The following COG3 variants were observed in gnomAD, a reference collection of about 807,000 sequenced individuals.
The protein encoded by COG3 is conserved oligomeric Golgi complex subunit 3.
Under a neutral mutation model 114.1 loss-of-function variants are expected in COG3, and 32 were observed. The observed-to-expected ratio is 0.28, with a 90% CI of 0.21 to 0.38. The LOEUF (loss-of-function observed/expected upper bound fraction) is 0.38, where lower values mean the gene tolerates loss of function less well. Ranked by LOEUF, COG3 falls within the 10% of genes least tolerant of loss-of-function variation. COG3 has a pLI of 1.00. For missense variants in COG3, 813 were observed against 973.2 expected, an observed-to-expected ratio of 0.84 and a Z score of 2.19; for synonymous variants, 352 against 365.7, an observed-to-expected ratio of 0.96 and a Z score of 0.43.
intron 4 of COG3, among the ~76,000 whole-genome samples, chr13:45,480,957 C>G (rs927748412): frequency 1.3e-5 from 2 of 152,220 alleles, no homozygotes; most frequent in Non-Finnish European, 2.9e-5. Flanking sequence ...AGAGCTAGAA[C>G]ACTTAAGTTA....
rs1885035422 is a variant in COG3, at chr13:45,464,974, C to T, written c.-63C>T. ...AAGCTCCGGTTCTCCCGGAAGTGGCCCAGGTCTCTCTGTCGGGGTCCCCTC... is the reference window on the plus strand; with the variant it reads ...AAGCTCCGGTTCTCCCGGAAGTGGCTCAGGTCTCTCTGTCGGGGTCCCCTC... On this transcript the variant is annotated 5_prime_UTR_variant, in exon 1 of 23. Coordinates refer to ENST00000349995, the MANE Select transcript of COG3 (RefSeq NM_031431.4). 1.3e-6 allele frequency: 2 copies of T among 1,515,816 alleles called. No individual in the cohort carries two copies. Among genetic ancestry groups the T allele is most frequent in the South Asian group, 1.2e-5 (1 of 80,040 alleles). 93.9% of individuals were successfully genotyped at this position (1,515,816 alleles called of 1,614,324 possible). A position where few individuals can be genotyped will look rare whatever the true frequency, so the allele number is the denominator to read the frequency against.
At chr13:45,496,862 A>G (rs1204442468) in intron 13 of COG3, among the ~76,000 whole-genome samples, 1 of 151,904 alleles carries the variant, frequency 6.6e-6, no homozygotes, top group Non-Finnish European at 1.5e-5. Flanking sequence ...TTTAGTAGAG[A>G]TGGGGTTTCA....
At chr13:45,467,209 G>A (rs1885192929) in intron 1 of COG3, among the ~76,000 whole-genome samples, 1 of 152,204 alleles carries the variant, frequency 6.6e-6, no homozygotes, top group African/African-American at 2.4e-5. Flanking sequence ...AACAGCATAA[G>A]GTCATGGGTA....
chr13:45,474,002 T>G (rs1253883155), intron 1 of COG3, among the ~76,000 whole-genome samples: 1 of 152,184 alleles, frequency 6.6e-6, no homozygotes, highest in Non-Finnish European at 1.5e-5. Context: ...TAATAAGAAC[T>G]GTTTACCTAC....
chr13:45,506,701 G>C (rs1174619851), intron 14 of COG3, among the ~76,000 whole-genome samples: 1 of 152,178 alleles, frequency 6.6e-6, no homozygotes, highest in East Asian at 1.9e-4. Context: ...GCAAGGCTCT[G>C]AGTCAGGTAG....
chr13:45,516,310 C>T (rs1311324178), intron 17 of COG3, 47 bp downstream of exon 17: 5 of 1,425,136 alleles, frequency 3.5e-6, no homozygotes, highest in Non-Finnish European at 4.7e-6. Flanking sequence ...TTGATCTGTC[C>T]AGATGTGTCA....
At chr13:45,518,645 A>C (rs1871793391) in intron 17 of COG3, 117 bp from the exon 18 acceptor site, 1 of 678,368 alleles carries the variant, frequency 1.5e-6, no homozygotes, top group Non-Finnish European at 2.6e-6. Context: ...CATGGAGGTG[A>C]GTTGCTGAAG....
At chr13:45,534,554 C>T in intron 22 of COG3, 148 bp from the exon 23 acceptor site, 1 of 427,484 alleles carries the variant, frequency 2.3e-6, no homozygotes. Context: ...ATTTTAGATT[C>T]AAGGGGTACA....
intron 16 of COG3, among the ~76,000 whole-genome samples, chr13:45,513,037 C>T (rs1263438441): frequency 1.3e-5 from 2 of 150,902 alleles, no homozygotes; most frequent in Non-Finnish European, 2.9e-5. Context: ...TGTTGCTTTG[C>T]TTAACTCTCC....
chr13:45,497,803 CAACAACAACAACAACA>C (rs1358971238), intron 13 of COG3, among the ~76,000 whole-genome samples: 1 of 150,256 alleles, frequency 6.7e-6, no homozygotes, highest in African/African-American at 2.5e-5. Context: ...ACAACAACAA[CAACAACAACAACAACA>C]AAGTATGACC....
At chr13:45,485,174 C>T (rs1410148233) in intron 7 of COG3, among the ~76,000 whole-genome samples, 10 of 146,432 alleles carry the variant, frequency 6.8e-5, no homozygotes, top group African/African-American at 1.3e-4. Context: ...CCAGTAGGGG[C>T]GGCCGGGCAG....
chr13:45,519,592 A>T (rs550626672), intron 19 of COG3, among the ~76,000 whole-genome samples: 7 of 152,334 alleles, frequency 4.6e-5, no homozygotes, highest in African/African-American at 1.7e-4. Context: ...GATTTAATGT[A>T]CAGTCAGTCC....
At chr13:45,511,709 C>CTTTTT in intron 15 of COG3, 56 bp from the exon 16 acceptor site, 2 of 1,287,330 alleles carry the variant, frequency 1.6e-6, no homozygotes, top group Non-Finnish European at 2.2e-6. Flanking sequence ...TAGGATATTC[C>CTTTTT]TTTTTTTTTG....
intron 12 of COG3, among the ~76,000 whole-genome samples, chr13:45,495,828 G>A (rs1868702354): frequency 6.6e-6 from 1 of 152,086 alleles, no homozygotes; most frequent in Non-Finnish European, 1.5e-5. Context: ...CAGTTAATAA[G>A]CTACCTTAGC....
chr13:45,474,151 CTTTTTTTTTTTTTTT>C (rs10558884), intron 1 of COG3, among the ~76,000 whole-genome samples: 9 of 82,014 alleles, frequency 1.1e-4, no homozygotes, highest in East Asian at 3.3e-4. Context: ...CTTTTTTACT[CTTTTTTTTTTTTTTT>C]TTTTTTTTTG....
At chr13:45,470,329 A>G (rs1277622889) in intron 1 of COG3, among the ~76,000 whole-genome samples, 2 of 152,202 alleles carry the variant, frequency 1.3e-5, no homozygotes, top group African/African-American at 4.8e-5. Context: ...GAGACTTTTC[A>G]CTGACTCCCT....
chr13:45,502,258 T>C (rs913272398), intron 13 of COG3, among the ~76,000 whole-genome samples: 1 of 152,204 alleles, frequency 6.6e-6, no homozygotes, highest in African/African-American at 2.4e-5. Flanking sequence ...TATCAGTTTT[T>C]GTATTATAGA....
intron 7 of COG3, 80 bp downstream of exon 7, chr13:45,483,435 G>T: frequency 1.7e-6 from 2 of 1,209,202 alleles, no homozygotes; most frequent in East Asian, 2.7e-5. Flanking sequence ...CTTTGGCTGA[G>T]ATTAGTACTT....
At chr13:45,513,124 G>A (rs1400209013) in intron 16 of COG3, among the ~76,000 whole-genome samples, 1 of 149,852 alleles carries the variant, frequency 6.7e-6, no homozygotes, top group Non-Finnish European at 1.5e-5. Context: ...CACTTGGAGT[G>A]TTCAGATCCT....
Sources: allele counts gnomAD v4.1 joint callset (sites outside exome capture counted in the v4.1 genomes callset), GRCh38; gene constraint gnomAD v4.1.1; transcripts MANE v1.5; gene names NCBI Gene and HGNC (gene_info 2026-07-23, HGNC 2026-07-21).